SEMA5A: variants seen among roughly 807,000 people sequenced by gnomAD.
SEMA5A encodes semaphorin 5A.
In SEMA5A, 55 loss-of-function variants were observed where a neutral mutation model predicts 135.5. The observed-to-expected ratio is 0.41, with a 90% CI of 0.33 to 0.51. The LOEUF is 0.51. Ranked by LOEUF, SEMA5A falls within the 20% of genes least tolerant of loss-of-function variation. The pLI, the probability that SEMA5A is intolerant of heterozygous loss-of-function variation, is 0.37. For missense variants in SEMA5A, 1,290 were observed against 1,419.9 expected (o/e 0.91, Z 1.47); for synonymous variants, 580 against 546.5 (o/e 1.06, Z -0.85).
At chr5:9,516,969 T>G (rs7735345) in intron 1 of SEMA5A, 102,563 of 152,182 alleles carry the variant, frequency 0.67, 35,478 homozygotes, top group African/African-American at 0.71. Flanking sequence ...CCAAATCCTG[T>G]TATTCTCACA....
intron 16 of SEMA5A, among the ~76,000 whole-genome samples, chr5:9,067,110 C>T (rs1425327243): frequency 2.0e-5 from 3 of 152,166 alleles, no homozygotes; most frequent in African/African-American, 7.2e-5. Flanking sequence ...AGGGGAGCCA[C>T]AAGATAAAAT....
At chr5:9,353,189 GGGAAAGGAAA>G (rs1204266521) in intron 3 of SEMA5A, among the ~76,000 whole-genome samples, 18 of 16,730 alleles carry the variant, frequency 1.1e-3, no homozygotes, top group East Asian at 8.7e-3. Context: ...AGGAAGGGAA[GGGAAAGGAAA>G]GGAAAGGAAA....
intron 2 of SEMA5A, among the ~76,000 whole-genome samples, chr5:9,436,137 G>C (rs574305089): frequency 1.2e-4 from 19 of 152,206 alleles, no homozygotes; most frequent in African/African-American, 3.4e-4. Context: ...CCAAGAATAC[G>C]AACCTGAAAG....
intron 5 of SEMA5A, among the ~76,000 whole-genome samples, chr5:9,316,219 CTCA>C (rs1306824165): frequency 6.6e-6 from 1 of 152,142 alleles, no homozygotes; most frequent in Non-Finnish European, 1.5e-5. Flanking sequence ...ATGACACACC[CTCA>C]TCATTCTTTA....
chr5:9,169,685 C>G (rs1398274133), intron 11 of SEMA5A, among the ~76,000 whole-genome samples: 2 of 152,168 alleles, frequency 1.3e-5, no homozygotes, highest in Non-Finnish European at 2.9e-5. Flanking sequence ...CATAGAGCAA[C>G]TTTGGTGTGG....
chr5:9,088,010 G>A (rs756201787), intron 16 of SEMA5A, among the ~76,000 whole-genome samples: 12 of 152,248 alleles, frequency 7.9e-5, no homozygotes, highest in East Asian at 1.9e-4. Context: ...GACAGTGGCC[G>A]GGCGTGGTGG....
Position 9,190,601 on chromosome 5 carries a change from T to C in SEMA5A, c.1069-130A>G, listed in dbSNP as rs1270582177. ...AATCCATCATTGAAGTATGCAAACA[T>C]GTCTGCTTCTCCATCCTCCCTGCAG... On this transcript the variant is annotated intron_variant, in intron 10 of 22. Transcript: ENST00000382496. 1.4e-4 allele frequency: 106 copies of C among 755,318 alleles called. No individual in the cohort carries two copies. In the South Asian group the frequency reaches 1.7e-3, roughly 12 times the overall value. 46.8% of individuals were successfully genotyped at this position (755,318 alleles called of 1,614,324 possible). A position where few individuals can be genotyped will look rare whatever the true frequency, so the allele number is the denominator to read the frequency against.
At chr5:9,199,426 G>A (rs553226088) in intron 9 of SEMA5A, among the ~76,000 whole-genome samples, 52 of 152,194 alleles carry the variant, frequency 3.4e-4, no homozygotes, top group African/African-American at 1.2e-3. Context: ...TGCCCTCCCC[G>A]CTCTTCCTAG....
chr5:9,518,992 G>C (rs1242950315), intron 1 of SEMA5A, among the ~76,000 whole-genome samples: 1 of 151,774 alleles, frequency 6.6e-6, no homozygotes, highest in Non-Finnish European at 1.5e-5. Context: ...TCACTATCAG[G>C]GTTAAATTAA....
At chr5:9,426,531 G>A (rs1159320633) in intron 2 of SEMA5A, among the ~76,000 whole-genome samples, 1 of 151,980 alleles carries the variant, frequency 6.6e-6, no homozygotes. Context: ...CTTGCTCTGA[G>A]CATGTTCAAG....
intron 1 of SEMA5A, among the ~76,000 whole-genome samples, chr5:9,495,115 C>G (rs1252047235): frequency 6.6e-6 from 1 of 152,284 alleles, no homozygotes; most frequent in East Asian, 1.9e-4. Context: ...TTTCTTTCCC[C>G]TTTGAGGCTG....
Position 9,219,431 on chromosome 5 carries a change from T to C in SEMA5A, c.646+5243A>G, listed in dbSNP as rs762804736. Among the ~76,000 whole-genome samples, 157 of 152,156 alleles carry C rather than the reference T, an allele frequency of 1.0e-3. 4 individuals carry two copies. Among genetic ancestry groups the C allele is most frequent in the Non-Finnish European group, 1.2e-3 (80 of 68,030 alleles). ...GCTGAGTTTTGTCTCCCAAAACTTATGTTAAGGTCCCAGCCCCCAGTACTC... is the reference window on the plus strand; with the variant it reads ...GCTGAGTTTTGTCTCCCAAAACTTACGTTAAGGTCCCAGCCCCCAGTACTC... On this transcript the variant is annotated intron_variant, in intron 8 of 22. Transcript: ENST00000382496.
chr5:9,053,722 AGGTGTCACCTGT>A (rs1736723913), intron 19 of SEMA5A: 2 of 165,200 alleles, frequency 1.2e-5, no homozygotes, highest in African/African-American at 4.7e-5. Flanking sequence ...CAACACAGCA[AGGTGTCACCTGT>A]GGGTCACTAG....
intron 1 of SEMA5A, among the ~76,000 whole-genome samples, chr5:9,456,683 C>T (rs1758848018): frequency 6.6e-6 from 1 of 152,098 alleles, no homozygotes; most frequent in Non-Finnish European, 1.5e-5. Context: ...ATAACAAAGG[C>T]AGAAGGCTGG....
intron 13 of SEMA5A, among the ~76,000 whole-genome samples, chr5:9,134,115 A>G (rs76212238): frequency 2.0e-5 from 3 of 152,198 alleles, no homozygotes; most frequent in African/African-American, 7.2e-5. Context: ...TCAGCCATGC[A>G]GAACTGTAAG....
intron 4 of SEMA5A, among the ~76,000 whole-genome samples, chr5:9,325,869 T>A (rs1191949252): frequency 1.3e-5 from 2 of 152,198 alleles, no homozygotes; most frequent in Non-Finnish European, 2.9e-5. Flanking sequence ...AGAGGTTTGC[T>A]TACAACTGAG....
intron 8 of SEMA5A, among the ~76,000 whole-genome samples, chr5:9,218,276 T>C (rs927835742): frequency 6.6e-6 from 1 of 152,234 alleles, no homozygotes; most frequent in African/African-American, 2.4e-5. Flanking sequence ...TGTGGTACTT[T>C]GTTTTAGCAA....
At chr5:9,226,634 AAACAT>A (rs1406461920) in intron 7 of SEMA5A, among the ~76,000 whole-genome samples, 1 of 152,222 alleles carries the variant, frequency 6.6e-6, no homozygotes, top group African/African-American at 2.4e-5. Context: ...AATAGTTTAG[AAACAT>A]ATTTAAGTTT....
intron 4 of SEMA5A, among the ~76,000 whole-genome samples, chr5:9,332,864 C>A (rs528028992): frequency 6.6e-6 from 1 of 152,326 alleles, no homozygotes; most frequent in South Asian, 2.1e-4. Context: ...GAATTATGAT[C>A]ATTACCTGAT....
Sources: gnomAD v4.1 joint callset for allele counts (sites outside exome capture counted in the v4.1 genomes callset) on GRCh38, gnomAD v4.1.1 for gene constraint, MANE v1.5 for transcripts, NCBI Gene and HGNC (gene_info 2026-07-23, HGNC 2026-07-21) for gene names.